BRD8: variants seen among roughly 807,000 people sequenced by gnomAD.
BRD8 encodes the protein bromodomain-containing protein 8.
Under a neutral mutation model 143.1 loss-of-function variants are expected in BRD8, and 67 were observed. The observed-to-expected ratio is 0.47, with a 90% CI of 0.38 to 0.57. BRD8 has a LOEUF of 0.57. Ranked by LOEUF, BRD8 falls within the 20% of genes least tolerant of loss-of-function variation. BRD8 has a pLI of 0.00. For synonymous variants in BRD8, 505 were observed against 517.1 expected (o/e 0.98, Z 0.32); for missense variants, 1,103 against 1,503.0 (o/e 0.73, Z 4.40).
intron 12 of BRD8, 52 bp from the exon 13 acceptor site, chr5:138,164,465 T>G: frequency 6.6e-7 from 1 of 1,524,430 alleles, no homozygotes; most frequent in Non-Finnish European, 9.1e-7. Flanking sequence ...TCGCTATAGC[T>G]CACACAACTT....
At chr5:138,171,472 C>A in intron 3 of BRD8, 62 bp from the exon 4 acceptor site, 1 of 1,089,490 alleles carries the variant, frequency 9.2e-7, no homozygotes, top group Non-Finnish European at 1.4e-6. Context: ...AATGACCTTT[C>A]AAAGTTTCAA....
intron 2 of BRD8, among the ~76,000 whole-genome samples, chr5:138,173,010 G>A (rs187004548): frequency 8.3e-4 from 126 of 152,244 alleles, no homozygotes; most frequent in African/African-American, 2.8e-3. Context: ...GGATAGTAAC[G>A]GGAGGAAGAC....
intron 24 of BRD8, 87 bp downstream of exon 24, chr5:138,145,702 T>C: frequency 8.5e-7 from 1 of 1,170,108 alleles, no homozygotes; most frequent in South Asian, 1.3e-5. Context: ...ATTTGAGGGA[T>C]GAACATATCT....
chr5:138,159,319 T>C (rs1752825118), intron 20 of BRD8, among the ~76,000 whole-genome samples: 1 of 151,554 alleles, frequency 6.6e-6, no homozygotes, highest in Admixed American at 6.6e-5. Context: ...CCTTCACCCC[T>C]AGAATACATT....
At position 138,140,078 on chromosome 5, in the gene BRD8, A is replaced by C; in HGVS notation, c.3704T>G (p.Phe1235Cys). Residue 1235 changes from phenylalanine to cysteine, a missense_variant, in exon 27 of 27, where the codon TTC becomes TGC. Around this residue, in one of 7 missense-constraint regions of BRD8, gnomAD observed 369 missense variants for 445.5 expected, o/e 0.83. Transcript: ENST00000254900. ...AGTCAGGATAGCAGCTCCAGGTTAG[A>C]AAACAGGTTTTCCATCATCCACTGG... ...ANPVDDGKPV[F>C] The C allele has an allele frequency of 6.2e-7, 1 of 1,612,590 alleles. No individual in the cohort carries two copies. Among genetic ancestry groups the C allele is most frequent in the Non-Finnish European group, 8.5e-7 (1 of 1,178,600 alleles).
At chr5:138,168,486 G>C (rs1753617791) in intron 8 of BRD8, 1 of 1,605,410 alleles carries the variant, frequency 6.2e-7, no homozygotes, top group South Asian at 1.1e-5. Context: ...GGGGCTAGTA[G>C]GCAGGAGGCT....
In BRD8 at chr5:138,169,282, T is replaced by C. The variant is rs370546983; in HGVS notation, c.582A>G (p.Pro194=). 24 of 1,613,970 alleles carry C rather than the reference T, an allele frequency of 1.5e-5. No individual in the cohort carries two copies. Among genetic ancestry groups the C allele is most frequent in the Non-Finnish European group, 1.9e-5 (23 of 1,179,994 alleles). The part of the protein sequence containing the change: ...MVRSPIDSAS[P]GGDYPLGDLT... ...AGTCCCCAAGTGGATAATCACCTCC[T>C]GGGGAGGCAGAATCTATAGGAGAGC... Residue 194 remains proline (P), a synonymous_variant, in exon 8 of 27, where the codon CCA becomes CCG. Transcript: ENST00000254900.
At chr5:138,170,655 T>C (rs1753788762) in intron 6 of BRD8, 177 bp downstream of exon 6, 3 of 743,556 alleles carry the variant, frequency 4.0e-6, no homozygotes, top group Non-Finnish European at 7.2e-6. Flanking sequence ...TGTCCCATTA[T>C]ATTACCTTCT....
At chr5:138,144,581 A>C (rs1394249186) in intron 25 of BRD8, among the ~76,000 whole-genome samples, 1 of 152,200 alleles carries the variant, frequency 6.6e-6, no homozygotes, top group Non-Finnish European at 1.5e-5. Context: ...ATAGTGTCAA[A>C]AACAACCAAA....
chr5:138,170,737 A>G, intron 6 of BRD8, 95 bp downstream of exon 6: 1 of 1,190,396 alleles, frequency 8.4e-7, no homozygotes, highest in Non-Finnish European at 1.2e-6. Context: ...TCTCAAGTCT[A>G]AAGGGACGGC....
chr5:138,170,544 C>A, intron 6 of BRD8, 135 bp from the exon 7 acceptor site: 1 of 957,102 alleles, frequency 1.0e-6, no homozygotes, highest in Non-Finnish European at 1.7e-6. Flanking sequence ...TTCTAACCAG[C>A]AAAACAGTGA....
At chr5:138,160,837 CCTTGA>C in intron 18 of BRD8, 49 bp downstream of exon 18, 1 of 1,491,284 alleles carries the variant, frequency 6.7e-7, no homozygotes, top group Admixed American at 2.1e-5. Flanking sequence ...TGAATCCTCC[CCTTGA>C]AGTATTTTAA....
At chr5:138,169,830 C>A (rs1753723469) in intron 7 of BRD8, among the ~76,000 whole-genome samples, 1 of 152,064 alleles carries the variant, frequency 6.6e-6, no homozygotes, top group African/African-American at 2.4e-5. Flanking sequence ...GTGGTGGCAG[C>A]CGCCTGTAAT....
intron 21 of BRD8, among the ~76,000 whole-genome samples, chr5:138,151,859 A>T (rs113782072): frequency 0.013 from 1,923 of 148,972 alleles, 46 homozygotes; most frequent in African/African-American, 0.046. Context: ...AATTTTAATT[A>T]ATTTATTTAT....
At chr5:138,159,649 C>T in intron 19 of BRD8, 50 bp from the exon 20 acceptor site, 1 of 1,577,528 alleles carries the variant, frequency 6.3e-7, no homozygotes, top group South Asian at 1.1e-5. Flanking sequence ...AACTCTCAGC[C>T]ACAAGCACCC....
chr5:138,157,548 C>T (rs1363403207), intron 20 of BRD8: 6 of 440,416 alleles, frequency 1.4e-5, no homozygotes, highest in Admixed American at 3.7e-5. Context: ...GTCATCCCAC[C>T]CAGGCCCAAA....
intron 6 of BRD8, 189 bp from the exon 7 acceptor site, chr5:138,170,598 C>A: frequency 1.3e-6 from 1 of 798,518 alleles, no homozygotes; most frequent in Non-Finnish European, 2.2e-6. Flanking sequence ...CCCAGGCAAA[C>A]TATAGCCACT....
chr5:138,173,397 CAAA>C (rs34972519), intron 2 of BRD8, among the ~76,000 whole-genome samples: 1 of 141,940 alleles, frequency 7.0e-6, no homozygotes, highest in African/African-American at 2.6e-5. Flanking sequence ...GACTCCATCT[CAAA>C]AAAAAAAAAA....
chr5:138,170,381 C>T lies in BRD8; in HGVS notation c.469G>A (p.Glu157Lys). ...TKKKLEEEEA[E>K]VKRKATDAAY... ...GCATCTGTAGCCTTCCTCTTTACTT[C>T]AGCCTCCTCTTCTTCCAATTTCTTT... The change falls in exon 7 of 27, where the codon GAA (glutamate) becomes AAA (lysine). Residue 157 changes from glutamate (E) to lysine (K), a missense_variant. Physicochemically the swap from Glu to Lys is moderately conservative, Grantham distance 56. This residue lies in a region of BRD8 where 334 missense variants were observed against 372.5 expected (regional missense o/e 0.90). Coordinates refer to ENST00000254900, the MANE Select transcript of BRD8 (RefSeq NM_139199.2). 6.2e-7 allele frequency: 1 copy of T among 1,614,130 alleles called. No homozygotes were observed. Among genetic ancestry groups the T allele is most frequent in the South Asian group, 1.1e-5 (1 of 91,088 alleles).
Sources: allele counts gnomAD v4.1 joint callset (sites outside exome capture counted in the v4.1 genomes callset), GRCh38; gene constraint gnomAD v4.1.1; regional missense constraint gnomAD v4.1.1; transcripts MANE v1.5; gene names NCBI Gene and HGNC (gene_info 2026-07-23, HGNC 2026-07-21).